The following KCNIP4 variants were observed in gnomAD, a reference collection of about 807,000 sequenced individuals.
KCNIP4 encodes Kv channel-interacting protein 4.
KCNIP4 carries 12 observed loss-of-function variants against 34.0 expected under a neutral mutation model. The ratio of observed to expected loss-of-function variants is 0.35; its 90% CI spans 0.23 to 0.57. The LOEUF (loss-of-function observed/expected upper bound fraction) is 0.57. Among genes scored for constraint, KCNIP4 ranks in the 20% least tolerant of loss-of-function variants. KCNIP4 has a pLI of 0.83. For missense variants in KCNIP4, 238 were observed against 311.7 expected, an observed-to-expected ratio of 0.76 and a Z score of 1.78; for synonymous variants, 124 against 102.2, an observed-to-expected ratio of 1.21 and a Z score of -1.29.
intron 1 of KCNIP4, among the ~76,000 whole-genome samples, chr4:21,131,780 T>C (rs1751091329): frequency 6.6e-6 from 1 of 152,248 alleles, no homozygotes; most frequent in African/African-American, 2.4e-5. Flanking sequence ...TGGATATGTA[T>C]ACTTTTCTGT....
chr4:21,456,036 C>T (rs1325593147), intron 1 of KCNIP4, among the ~76,000 whole-genome samples: 2 of 145,518 alleles, frequency 1.4e-5, no homozygotes, highest in African/African-American at 2.7e-5. Context: ...CTTTTTAATG[C>T]CTCATTATCT....
At chr4:21,805,113 T>C (rs972082450) in intron 1 of KCNIP4, among the ~76,000 whole-genome samples, 11 of 152,180 alleles carry the variant, frequency 7.2e-5, no homozygotes, top group African/African-American at 1.9e-4. Context: ...CATCCACATG[T>C]GGTAATGGTT....
chr4:20,766,129 AT>A (rs1323350036), intron 3 of KCNIP4, among the ~76,000 whole-genome samples: 7 of 152,194 alleles, frequency 4.6e-5, no homozygotes, highest in African/African-American at 1.7e-4. Context: ...TTTTACATGG[AT>A]TATCTCGTGG....
At chr4:21,147,720 C>T in intron 1 of KCNIP4, among the ~76,000 whole-genome samples, 1 of 151,912 alleles carries the variant, frequency 6.6e-6, no homozygotes, top group East Asian at 1.9e-4. Context: ...GGGTGGATCT[C>T]TTTAGGTTAG....
rs563351438 is a variant in KCNIP4 at position 21,282,197 on chromosome 4, T to C, written c.62-399488A>G. 9.8e-5 allele frequency among the ~76,000 whole-genome samples: 15 copies of C among 152,358 alleles called. No individual in the cohort carries two copies. In the East Asian group the frequency reaches 2.7e-3, roughly 27 times the overall value. ...AGCTACCTGTAATTGCACTAGCAAA[T>C]CTACATTTAATTTATATGTTATTTG... On this transcript the variant is annotated intron_variant, in intron 1 of 8. Transcript: ENST00000382152.
At chr4:21,921,000 G>C (rs1728911713) in intron 1 of KCNIP4, among the ~76,000 whole-genome samples, 1 of 152,030 alleles carries the variant, frequency 6.6e-6, no homozygotes, top group South Asian at 2.1e-4. Flanking sequence ...CTAATCATTG[G>C]ACTTTTACTT....
intron 1 of KCNIP4, among the ~76,000 whole-genome samples, chr4:21,381,892 T>A (rs1286060056): frequency 1.3e-5 from 2 of 152,112 alleles, no homozygotes; most frequent in African/African-American, 4.8e-5. Context: ...CTCCCACATA[T>A]CACCAATGGT....
At chr4:20,893,501 C>A (rs553103381) in intron 1 of KCNIP4, among the ~76,000 whole-genome samples, 12 of 152,186 alleles carry the variant, frequency 7.9e-5, no homozygotes, top group Admixed American at 2.0e-4. Context: ...TGGCTCACTG[C>A]AGCCTCGAAC....
intron 1 of KCNIP4, among the ~76,000 whole-genome samples, chr4:21,668,982 AAATC>A (rs1438715230): frequency 6.6e-6 from 1 of 152,132 alleles, no homozygotes; most frequent in Non-Finnish European, 1.5e-5. Flanking sequence ...CTTTGCCTAA[AAATC>A]AGCAAGACCA....
chr4:21,523,857 G>A (rs1005891626), intron 1 of KCNIP4, among the ~76,000 whole-genome samples: 1 of 152,126 alleles, frequency 6.6e-6, no homozygotes, highest in Non-Finnish European at 1.5e-5. Flanking sequence ...ACAGGTGTGA[G>A]CCACTGTGCC....
At chr4:21,358,819 A>G (rs550018929) in intron 1 of KCNIP4, among the ~76,000 whole-genome samples, 1 of 152,200 alleles carries the variant, frequency 6.6e-6, no homozygotes, top group East Asian at 1.9e-4. Context: ...AGAAACTCAA[A>G]CAAATGCAAT....
At chr4:20,996,773 T>TC (rs1553925171) in intron 1 of KCNIP4, among the ~76,000 whole-genome samples, 5 of 151,966 alleles carry the variant, frequency 3.3e-5, no homozygotes, top group African/African-American at 9.7e-5. Context: ...TTCTTTTTTT[T>TC]AAATGCCTCT....
chr4:21,354,123 T>C lies in KCNIP4; in HGVS notation c.62-471414A>G, dbSNP rs138881122. ...TGAGAGATTTTGTCACCACCAGGCC[T>C]GCCCTACAAGACCTCCTGAAGGAAG... On this transcript the variant is annotated intron_variant, in intron 1 of 8. Coordinates refer to ENST00000382152, the MANE Select transcript of KCNIP4 (RefSeq NM_025221.6). 4.4e-3 allele frequency among the ~76,000 whole-genome samples: 668 copies of C among 152,286 alleles called. 1 individual carries two copies. Among genetic ancestry groups the C allele is most frequent in the Non-Finnish European group, 8.1e-3 (552 of 68,030 alleles).
At chr4:21,877,717 T>G (rs1210148637) in intron 1 of KCNIP4, among the ~76,000 whole-genome samples, 1 of 152,218 alleles carries the variant, frequency 6.6e-6, no homozygotes, top group Non-Finnish European at 1.5e-5. Context: ...TACAGATGAC[T>G]AATCTCCCTG....
At chr4:21,018,163 G>C (rs1315424377) in intron 1 of KCNIP4, among the ~76,000 whole-genome samples, 3 of 152,028 alleles carry the variant, frequency 2.0e-5, no homozygotes, top group African/African-American at 7.2e-5. Context: ...TCCTCAACAA[G>C]CTTTCACACT....
chr4:21,449,286 T>C (rs891908215), intron 1 of KCNIP4, among the ~76,000 whole-genome samples: 4 of 152,216 alleles, frequency 2.6e-5, no homozygotes, highest in African/African-American at 9.7e-5. Context: ...ACCATTATCT[T>C]ATGCCTATAA....
intron 1 of KCNIP4, among the ~76,000 whole-genome samples, chr4:21,626,826 C>A (rs552666990): frequency 6.6e-6 from 1 of 152,058 alleles, no homozygotes; most frequent in Non-Finnish European, 1.5e-5. Flanking sequence ...ATTGGCTGCA[C>A]CTTTCCTATT....
chr4:21,034,077 C>T (rs1741243701), intron 1 of KCNIP4, among the ~76,000 whole-genome samples: 1 of 152,038 alleles, frequency 6.6e-6, no homozygotes, highest in Non-Finnish European at 1.5e-5. Flanking sequence ...AGGGCTATAG[C>T]ACACACAAAA....
chr4:21,883,614 C>T (rs1726589936), intron 1 of KCNIP4, among the ~76,000 whole-genome samples: 1 of 152,148 alleles, frequency 6.6e-6, no homozygotes, highest in Non-Finnish European at 1.5e-5. Flanking sequence ...GTGACTACTA[C>T]TTTGGCAGAC....
Sources: allele counts gnomAD v4.1 joint callset (sites outside exome capture counted in the v4.1 genomes callset), GRCh38; gene constraint gnomAD v4.1.1; transcripts MANE v1.5; gene names NCBI Gene and HGNC (gene_info 2026-07-23, HGNC 2026-07-21).